HTR1F: variants seen among roughly 807,000 people sequenced by gnomAD.
HTR1F encodes the protein 5-hydroxytryptamine (serotonin) receptor 1F, G protein-coupled.
A neutral mutation model predicts 24.0 loss-of-function variants in HTR1F; 17 were observed. That is an observed-to-expected ratio of 0.71 (90% CI 0.48 to 1.06). The LOEUF (loss-of-function observed/expected upper bound fraction) is 1.06, where lower values mean the gene tolerates loss of function less well. Among genes scored for constraint, HTR1F ranks in the 50% least tolerant of loss-of-function variants. The probability of loss-of-function intolerance (pLI) is 0.00; values close to 1 mark genes in which losing one functional copy is unlikely to be tolerated. For synonymous variants in HTR1F, 186 were observed against 156.8 expected, an observed-to-expected ratio of 1.19 and a Z score of -1.39; for missense variants, 391 against 427.8, an observed-to-expected ratio of 0.91 and a Z score of 0.76.
chr3:87,897,833 C>T (rs1040002993), intron 2 of HTR1F, among the ~76,000 whole-genome samples: 65 of 152,232 alleles, frequency 4.3e-4, no homozygotes, highest in Non-Finnish European at 4.3e-4. Context: ...CCCAGTACCT[C>T]CTGTAGGAAA....
At chr3:87,949,725 T>C (rs1471951668) in intron 2 of HTR1F, among the ~76,000 whole-genome samples, 1 of 152,176 alleles carries the variant, frequency 6.6e-6, no homozygotes, top group South Asian at 2.1e-4. Flanking sequence ...CTAATTACCA[T>C]CTACTGACCT....
intron 2 of HTR1F, among the ~76,000 whole-genome samples, chr3:87,985,604 C>T (rs1202341947): frequency 6.6e-6 from 1 of 152,186 alleles, no homozygotes; most frequent in Non-Finnish European, 1.5e-5. Flanking sequence ...GCACTTAGTA[C>T]ATTGCATGCA....
intron 2 of HTR1F, among the ~76,000 whole-genome samples, chr3:87,839,020 T>A (rs1317980719): frequency 1.3e-5 from 2 of 148,688 alleles, no homozygotes; most frequent in Non-Finnish European, 3.0e-5. Flanking sequence ...TTATTTTTAT[T>A]TTTATTTTTT....
intron 2 of HTR1F, among the ~76,000 whole-genome samples, chr3:87,908,442 T>C (rs1703710634): frequency 6.6e-6 from 1 of 152,040 alleles, no homozygotes; most frequent in Non-Finnish European, 1.5e-5. Context: ...TTTTCTTAAA[T>C]ATATTCTGTT....
At chr3:87,983,419 C>T (rs1207705374) in intron 2 of HTR1F, among the ~76,000 whole-genome samples, 1 of 152,168 alleles carries the variant, frequency 6.6e-6, no homozygotes, top group Non-Finnish European at 1.5e-5. Context: ...CAATCCTATA[C>T]ATTTTCATAC....
chr3:87,877,230 T>A (rs1394550938), intron 2 of HTR1F, among the ~76,000 whole-genome samples: 2 of 152,168 alleles, frequency 1.3e-5, no homozygotes, highest in African/African-American at 2.4e-5. Flanking sequence ...AGCCAGTTTT[T>A]TTGTTTGTAA....
At chr3:87,830,569 A>G (rs1230332650) in intron 2 of HTR1F, among the ~76,000 whole-genome samples, 1 of 152,212 alleles carries the variant, frequency 6.6e-6, no homozygotes, top group Non-Finnish European at 1.5e-5. Context: ...TTCTCGTGCT[A>G]TCTATGGAAA....
At chr3:87,914,801 T>C (rs1377502230) in intron 2 of HTR1F, among the ~76,000 whole-genome samples, 2 of 152,042 alleles carry the variant, frequency 1.3e-5, no homozygotes, top group Non-Finnish European at 2.9e-5. Context: ...TTGGGAGTTC[T>C]AGGGCCCCAC....
intron 2 of HTR1F, among the ~76,000 whole-genome samples, chr3:87,978,063 C>T (rs1172325920): frequency 6.6e-6 from 1 of 152,212 alleles, no homozygotes; most frequent in Non-Finnish European, 1.5e-5. Flanking sequence ...AAGCTGGCAG[C>T]TGCAGAGGGG....
intron 2 of HTR1F, among the ~76,000 whole-genome samples, chr3:87,954,202 T>C: frequency 6.6e-6 from 1 of 151,792 alleles, no homozygotes; most frequent in East Asian, 1.9e-4. Context: ...ACATGAATGT[T>C]CACAACAAAA....
chr3:87,971,879 C>A (rs1705293024), intron 2 of HTR1F, among the ~76,000 whole-genome samples: 1 of 152,056 alleles, frequency 6.6e-6, no homozygotes, highest in African/African-American at 2.4e-5. Flanking sequence ...AATTTATTTG[C>A]CTACTTCTAC....
At chr3:87,896,763 A>T (rs530407541) in intron 2 of HTR1F, among the ~76,000 whole-genome samples, 12 of 152,270 alleles carry the variant, frequency 7.9e-5, no homozygotes, top group African/African-American at 2.9e-4. Flanking sequence ...TGGACAAAGG[A>T]CTTAAACAGA....
At chr3:87,799,236 A>G (rs1252901555) in intron 1 of HTR1F, among the ~76,000 whole-genome samples, 1 of 152,202 alleles carries the variant, frequency 6.6e-6, no homozygotes, top group African/African-American at 2.4e-5. Context: ...CCAAATGTGA[A>G]GGTGACTCTC....
At chr3:87,956,619 A>G (rs1159937367) in intron 2 of HTR1F, among the ~76,000 whole-genome samples, 1 of 151,356 alleles carries the variant, frequency 6.6e-6, no homozygotes. Flanking sequence ...ATCTTTAAAT[A>G]TATGCCTTCC....
At chr3:87,954,251 CACTTG>C (rs1463058373) in intron 2 of HTR1F, among the ~76,000 whole-genome samples, 3 of 151,746 alleles carry the variant, frequency 2.0e-5, no homozygotes, top group East Asian at 1.9e-4. Flanking sequence ...TATCCTAAAT[CACTTG>C]ACTTGATCAT....
chr3:87,978,734 T>G (rs1233140045), intron 2 of HTR1F, among the ~76,000 whole-genome samples: 2 of 148,434 alleles, frequency 1.3e-5, no homozygotes, highest in East Asian at 3.9e-4. Flanking sequence ...AGGGAAGAAG[T>G]GAGTGCTGAT....
At chr3:87,978,524 T>A (rs1174209733) in intron 2 of HTR1F, among the ~76,000 whole-genome samples, 1 of 152,092 alleles carries the variant, frequency 6.6e-6, no homozygotes, top group Non-Finnish European at 1.5e-5. Context: ...CCAGAGTGGT[T>A]AGCTCCCATC....
chr3:87,943,596 G>A (rs898439003), intron 2 of HTR1F, among the ~76,000 whole-genome samples: 2 of 152,020 alleles, frequency 1.3e-5, no homozygotes, highest in African/African-American at 2.4e-5. Flanking sequence ...GGGGGATGCT[G>A]GGGTAGGGAG....
At chr3:87,912,862 G>T (rs1703810584) in intron 2 of HTR1F, among the ~76,000 whole-genome samples, 1 of 152,080 alleles carries the variant, frequency 6.6e-6, no homozygotes, top group Non-Finnish European at 1.5e-5. Context: ...TCAATAAATT[G>T]TGCTGGAATA....
Sources: gnomAD v4.1 joint callset for allele counts (sites outside exome capture counted in the v4.1 genomes callset) on GRCh38, gnomAD v4.1.1 for gene constraint, MANE v1.5 for transcripts, NCBI Gene and HGNC (gene_info 2026-07-23, HGNC 2026-07-21) for gene names.